SMAGP: variants seen among roughly 807,000 people sequenced by gnomAD.
The protein encoded by SMAGP is small cell transmembrane and glycosylated protein.
SMAGP carries 7 observed loss-of-function variants against 10.1 expected under a neutral mutation model. The ratio of observed to expected loss-of-function variants is 0.70; its 90% CI spans 0.40 to 1.31. The LOEUF (loss-of-function observed/expected upper bound fraction) is 1.31, where lower values mean the gene tolerates loss of function less well. Among genes scored for constraint, SMAGP ranks in the 50% most tolerant of loss-of-function variants. The pLI, the probability that SMAGP is intolerant of heterozygous loss-of-function variation, is 0.01. For missense variants in SMAGP, 113 were observed against 116.5 expected, an observed-to-expected ratio of 0.97 and a Z score of 0.14; for synonymous variants, 49 against 47.2, an observed-to-expected ratio of 1.04 and a Z score of -0.16.
Position 51,245,861 on chromosome 12 carries a change from T to A in SMAGP, c.*80A>T. 6.7e-7 allele frequency: 1 copy of A among 1,489,556 alleles called. No homozygotes were observed. Among genetic ancestry groups the A allele is most frequent in the Non-Finnish European group, 9.1e-7 (1 of 1,104,222 alleles). The allele number at this position is 1,489,556 out of a possible 1,614,324, so 92.3% of individuals were successfully genotyped here. The stretch of plus-strand genomic sequence containing the variant: ...CATCAATCAATGCTTCTCCCTGGCT[T>A]CAGAGAAAACTTTCCCATAATAAGC... On this transcript the variant is annotated 3_prime_UTR_variant, in exon 4 of 4. Transcript: ENST00000603798.
intron 2 of SMAGP, among the ~76,000 whole-genome samples, chr12:51,267,530 G>A (rs1299620094): frequency 8.2e-6 from 1 of 122,462 alleles, no homozygotes; most frequent in African/African-American, 3.2e-5. Flanking sequence ...GTCTTGCTCT[G>A]TCACCTAGGC....
At chr12:51,267,451 C>G (rs1027913990) in intron 2 of SMAGP, among the ~76,000 whole-genome samples, 9 of 151,220 alleles carry the variant, frequency 6.0e-5, no homozygotes, top group Admixed American at 2.0e-4. Context: ...ACCCATGAAG[C>G]CTTTGCTGAC....
At chr12:51,266,654 T>C (rs983892790) in intron 2 of SMAGP, among the ~76,000 whole-genome samples, 1 of 152,190 alleles carries the variant, frequency 6.6e-6, no homozygotes, top group Non-Finnish European at 1.5e-5. Context: ...TAAGTATGTA[T>C]GTACAGGAAA....
In SMAGP at chr12:51,244,892, T is replaced by C. The variant is rs1944745704; in HGVS notation, c.*1049A>G. On this transcript the variant is annotated 3_prime_UTR_variant, in exon 4 of 4. Coordinates refer to ENST00000603798, the MANE Select transcript of SMAGP (RefSeq NM_001031628.2). Reference sequence around the variant, plus strand: ...CAGGCTGGAGTATAGTGGTGCAATCTCAGCTCACTGCAAGCTCCGCCTCCT... The same window carrying C: ...CAGGCTGGAGTATAGTGGTGCAATCCCAGCTCACTGCAAGCTCCGCCTCCT... 1 of 141,934 alleles carries C rather than the reference T, an allele frequency of 7.0e-6. No homozygotes were observed. Among genetic ancestry groups the C allele is most frequent in the African/African-American group, 2.6e-5 (1 of 38,170 alleles). 8.8% of individuals were successfully genotyped at this position (141,934 alleles called of 1,614,324 possible). A position where few individuals can be genotyped will look rare whatever the true frequency, so the allele number is the denominator to read the frequency against.
intron 3 of SMAGP, 38 bp downstream of exon 3, chr12:51,246,713 T>G (rs767905283): frequency 6.7e-7 from 1 of 1,484,486 alleles, no homozygotes; most frequent in Non-Finnish European, 9.0e-7. Context: ...ATGCCCTTGA[T>G]CCAGAAGGTC....
At chr12:51,251,927 G>GA (rs775307194) in intron 2 of SMAGP, among the ~76,000 whole-genome samples, 17 of 152,112 alleles carry the variant, frequency 1.1e-4, no homozygotes, top group Non-Finnish European at 1.8e-4. Context: ...AGCCATACAG[G>GA]AAGACCTTAA....
At chr12:51,268,658 C>T (rs1417744451) in intron 2 of SMAGP, among the ~76,000 whole-genome samples, 1 of 140,196 alleles carries the variant, frequency 7.1e-6, no homozygotes, top group Non-Finnish European at 1.5e-5. Flanking sequence ...GGCACGATCT[C>T]GGCTCACCTG....
At chr12:51,264,949 AAAGAG>A (rs1290261786) in intron 2 of SMAGP, among the ~76,000 whole-genome samples, 1 of 150,290 alleles carries the variant, frequency 6.7e-6, no homozygotes, top group South Asian at 2.1e-4. Flanking sequence ...AAAAAAAAAA[AAAGAG>A]AAAGAGAGAG....
In SMAGP at chr12:51,246,122, TGGAAA is replaced by T; in HGVS notation, c.116-8_116-4del. The stretch of plus-strand genomic sequence containing the variant: ...GAGGAAGACAACGGTGATAACAACT[TGGAAA>T]GGAGAGGGAAAATGTAGAGATGTTT... On this transcript the variant is annotated splice_region_variant and splice_polypyrimidine_tract_variant and intron_variant, in intron 3 of 3. Transcript: ENST00000603798. The T allele has an allele frequency of 3.1e-6, 5 of 1,613,630 alleles. No homozygotes were observed. The highest frequency in any genetic ancestry group is 1.6e-4 in the Middle Eastern group (1 of 6,062).
In SMAGP at chr12:51,246,005, C is replaced by T; in HGVS notation, c.230G>A (p.Ser77Asn). Residue 77 changes from serine (S) to asparagine (N), a missense_variant, in exon 4 of 4, where the codon AGT becomes AAT. Ser to Asn is a conservative substitution (Grantham distance 46, BLOSUM62 1). Transcript: ENST00000603798. ...GTCACTCTCCATCTGGACGATGGCA[C>T]TGGGCTCACCTTCTGTAGGTTCATA... Reference protein sequence around the residue: ...VTYEPTEGEPSAIVQMESDLA... With the variant: ...VTYEPTEGEPNAIVQMESDLA... The T allele has an allele frequency of 6.2e-7, 1 of 1,613,926 alleles. No individual in the cohort carries two copies. Among genetic ancestry groups the T allele is most frequent in the Non-Finnish European group, 8.5e-7 (1 of 1,179,840 alleles).
chr12:51,258,546 C>T (rs886357031), intron 2 of SMAGP, among the ~76,000 whole-genome samples: 30 of 150,642 alleles, frequency 2.0e-4, no homozygotes, highest in Non-Finnish European at 7.4e-5. Flanking sequence ...GATCTGAGAT[C>T]GTGCCATTGC....
At chr12:51,248,310 C>A (rs897357645) in intron 2 of SMAGP, among the ~76,000 whole-genome samples, 2 of 152,004 alleles carry the variant, frequency 1.3e-5, no homozygotes, top group African/African-American at 4.8e-5. Context: ...CAAGGCCAGG[C>A]CAAACCTTTC....
chr12:51,246,902 CA>C, intron 2 of SMAGP, 71 bp from the exon 3 acceptor site: 2 of 1,106,598 alleles, frequency 1.8e-6, no homozygotes, highest in Non-Finnish European at 1.3e-6. Context: ...GTTTGGCCTT[CA>C]AATTTCACCA....
rs1039025750 is a variant in SMAGP, at chr12:51,270,360, C to G, written c.-143G>C. On this transcript the variant is annotated 5_prime_UTR_variant, in exon 1 of 4. Transcript: ENST00000603798. ...CGGAGTCGCGGAGGCCAGCAGAGGC[C>G]GAACGAGGACCCCGAGCGGAGGAAG... 1.0e-5 allele frequency: 2 copies of G among 193,280 alleles called. No homozygotes were observed. The highest frequency in any genetic ancestry group is 4.6e-5 in the African/African-American group (2 of 43,258). The allele number at this position is 193,280 out of a possible 1,614,324, so 12.0% of individuals were successfully genotyped here. A position where few individuals can be genotyped will look rare whatever the true frequency, so the allele number is the denominator to read the frequency against.
Position 51,245,535 on chromosome 12 carries a change from T to G in SMAGP, c.*406A>C, listed in dbSNP as rs1391196550. On this transcript the variant is annotated 3_prime_UTR_variant, in exon 4 of 4. Transcript: ENST00000603798. The stretch of plus-strand genomic sequence containing the variant: ...GTGGTATCCAGCCTCTGGGAAGACC[T>G]TGTATGGACAGTATCTCCACTGGGG... 1 of 162,588 alleles carries G rather than the reference T, an allele frequency of 6.2e-6. No individual in the cohort carries two copies. Among genetic ancestry groups the G allele is most frequent in the African/African-American group, 2.4e-5 (1 of 41,768 alleles). The allele number at this position is 162,588 out of a possible 1,614,324, so 10.1% of individuals were successfully genotyped here.
chr12:51,264,699 AG>A (rs1409371607), intron 2 of SMAGP, among the ~76,000 whole-genome samples: 1 of 151,748 alleles, frequency 6.6e-6, no homozygotes, highest in East Asian at 1.9e-4. Flanking sequence ...TGGGAGGCCA[AG>A]GCAGGCGGAT....
At chr12:51,248,434 A>ACACACACACTCTCACT (rs1188710796) in intron 2 of SMAGP, among the ~76,000 whole-genome samples, 2 of 77,468 alleles carry the variant, frequency 2.6e-5, no homozygotes, top group African/African-American at 1.0e-4. Flanking sequence ...ACACACACAC[A>ACACACACACTCTCACT]CTCTCTCTCT....
intron 2 of SMAGP, among the ~76,000 whole-genome samples, chr12:51,259,675 G>C (rs1258348423): frequency 6.6e-6 from 1 of 152,122 alleles, no homozygotes; most frequent in Non-Finnish European, 1.5e-5. Flanking sequence ...ACAGCAGCAG[G>C]AGTTACAGAT....
intron 2 of SMAGP, 34 bp from the exon 3 acceptor site, chr12:51,246,865 A>G (rs1463144409): frequency 3.4e-6 from 5 of 1,485,052 alleles, no homozygotes; most frequent in Non-Finnish European, 4.5e-6. Context: ...AAGGAAATGG[A>G]GTGAATTCTT....
Sources: gnomAD v4.1 joint callset for allele counts (sites outside exome capture counted in the v4.1 genomes callset) on GRCh38, gnomAD v4.1.1 for gene constraint, MANE v1.5 for transcripts, NCBI Gene and HGNC (gene_info 2026-07-23, HGNC 2026-07-21) for gene names.